Variants in FBXW10B observed in about 807,000 individuals in gnomAD.
The protein encoded by FBXW10B is F-box and WD repeat domain containing 10B.
At chr17:15,590,965 G>A in the FBXW10B span, among the ~76,000 whole-genome samples, 9 of 152,210 alleles carry the variant, frequency 5.9e-5, no homozygotes, top group Middle Eastern at 0.01. Context: ...CAGAGTCAGG[G>A]CCAAGTATTA....
At chr17:15,598,477 G>A in the FBXW10B span, 2 of 1,612,708 alleles carry the variant, frequency 1.2e-6, no homozygotes, top group African/African-American at 2.7e-5. Context: ...AAGCATTTTG[G>A]TAACCTGTGG....
At chr17:15,598,919 G>A in the FBXW10B span, 2 of 428,222 alleles carry the variant, frequency 4.7e-6, no homozygotes, top group Non-Finnish European at 8.4e-6. Flanking sequence ...GCTCACCCCT[G>A]TAATCCCAAC....
At chr17:15,595,593 G>A in the FBXW10B span, among the ~76,000 whole-genome samples, 1 of 151,980 alleles carries the variant, frequency 6.6e-6, no homozygotes, top group East Asian at 1.9e-4. Context: ...AACCCAGAGT[G>A]CACATGGGCC....
the FBXW10B span, among the ~76,000 whole-genome samples, chr17:15,585,339 T>C: frequency 6.6e-6 from 1 of 152,052 alleles, no homozygotes; most frequent in South Asian, 2.1e-4. Flanking sequence ...AAAGATAAAA[T>C]TTTTTAAAAA....
the FBXW10B span, among the ~76,000 whole-genome samples, chr17:15,608,974 G>C: frequency 0.6 from 88,921 of 148,576 alleles, 27,860 homozygotes; most frequent in Admixed American, 0.69. Context: ...GCCTTCATTC[G>C]TCCTCCCTCC....
At chr17:15,593,452 C>T in the FBXW10B span, 110 of 1,614,118 alleles carry the variant, frequency 6.8e-5, 1 homozygote, top group South Asian at 6.1e-4. Flanking sequence ...TCTGCACAGG[C>T]GCTGATGACC....
At chr17:15,616,850 A>C in the FBXW10B span, among the ~76,000 whole-genome samples, 1 of 151,234 alleles carries the variant, frequency 6.6e-6, no homozygotes, top group Non-Finnish European at 1.5e-5. Context: ...AGGTTGCCAC[A>C]ACCTGTAATA....
chr17:15,619,550 T>C, the FBXW10B span: 1 of 1,594,318 alleles, frequency 6.3e-7, no homozygotes, highest in Non-Finnish European at 8.6e-7. Flanking sequence ...CCCTGCGCAC[T>C]TGCAACGGCA....
chr17:15,578,819 C>T, the FBXW10B span, among the ~76,000 whole-genome samples: 12 of 152,046 alleles, frequency 7.9e-5, no homozygotes, highest in African/African-American at 2.4e-4. Context: ...GGGGTCACCA[C>T]GTACTCCCCT....
At chr17:15,595,883 G>A in the FBXW10B span, among the ~76,000 whole-genome samples, 3 of 149,754 alleles carry the variant, frequency 2.0e-5, no homozygotes, top group Non-Finnish European at 3.0e-5. Flanking sequence ...AAAATGCTTC[G>A]TTCATCCCCT....
At chr17:15,569,315 T>C in the FBXW10B span, among the ~76,000 whole-genome samples, 1 of 152,160 alleles carries the variant, frequency 6.6e-6, no homozygotes, top group Non-Finnish European at 1.5e-5. Context: ...TTTTTTATGA[T>C]AACAATAGCT....
chr17:15,619,366 A>G, the FBXW10B span: 1 of 1,613,884 alleles, frequency 6.2e-7, no homozygotes, highest in Non-Finnish European at 8.5e-7. Flanking sequence ...GTGATATGTC[A>G]TTGATCCTGC....
the FBXW10B span, among the ~76,000 whole-genome samples, chr17:15,614,800 G>A: frequency 1.3e-5 from 2 of 152,228 alleles, no homozygotes; most frequent in South Asian, 2.1e-4. Context: ...TATTTCCTAC[G>A]ATATTGTGTT....
At chr17:15,593,159 G>A in the FBXW10B span, 1 of 314,916 alleles carries the variant, frequency 3.2e-6, no homozygotes, top group African/African-American at 2.3e-5. Context: ...TAAGTTTTGT[G>A]CAAAGCCCTG....
the FBXW10B span, among the ~76,000 whole-genome samples, chr17:15,582,986 G>A: frequency 1.6e-5 from 1 of 63,646 alleles, no homozygotes; most frequent in Non-Finnish European, 4.6e-5. Flanking sequence ...TGCCTAACTT[G>A]AGCCTCTCTT....
At chr17:15,588,916 G>A in the FBXW10B span, 1 of 1,613,924 alleles carries the variant, frequency 6.2e-7, no homozygotes, top group Non-Finnish European at 8.5e-7. Flanking sequence ...TCTGACCTTG[G>A]GGGTGAATCC....
chr17:15,575,786 C>T, the FBXW10B span, among the ~76,000 whole-genome samples: 5 of 151,870 alleles, frequency 3.3e-5, no homozygotes, highest in Admixed American at 2.6e-4. Context: ...GACAATTAAG[C>T]ATTAGGGATG....
the FBXW10B span, chr17:15,594,961 C>T: frequency 1.3e-6 from 2 of 1,592,042 alleles, no homozygotes. Flanking sequence ...GAGCCTTCTT[C>T]AGATGAATCC....
At chr17:15,615,131 T>C in the FBXW10B span, among the ~76,000 whole-genome samples, 2 of 151,744 alleles carry the variant, frequency 1.3e-5, no homozygotes, top group East Asian at 3.9e-4. Flanking sequence ...TATTGATCAA[T>C]TTAATCCTTG....
Sources: allele counts gnomAD v4.1 joint callset (sites outside exome capture counted in the v4.1 genomes callset), GRCh38; gene constraint gnomAD v4.1.1; transcripts MANE v1.5; gene names NCBI Gene and HGNC (gene_info 2026-07-23, HGNC 2026-07-21).